Variants in PDE3A observed in about 807,000 individuals in gnomAD.
PDE3A encodes the protein phosphodiesterase 3A, also known as cGMP-inhibited 3',5'-cyclic phosphodiesterase 3A.
PDE3A carries 43 observed loss-of-function variants against 98.3 expected under a neutral mutation model. The observed-to-expected ratio is 0.44, with a 90% confidence interval of 0.34 to 0.56. The LOEUF is 0.56. Ranked by LOEUF, PDE3A falls within the 20% of genes least tolerant of loss-of-function variation. PDE3A has a pLI of 0.01. For missense variants in PDE3A, 1,427 were observed against 1,440.7 expected, an observed-to-expected ratio of 0.99 and a Z score of 0.15; for synonymous variants, 663 against 567.9, an observed-to-expected ratio of 1.17 and a Z score of -2.38.
chr12:20,641,303 G>A (rs1944643540), intron 10 of PDE3A, among the ~76,000 whole-genome samples: 4 of 151,970 alleles, frequency 2.6e-5, no homozygotes, highest in Admixed American at 2.0e-4. Context: ...ACATCTGGCT[G>A]ACAAATCCAT....
chr12:20,475,373 A>T (rs7484589), intron 1 of PDE3A, among the ~76,000 whole-genome samples: 9,280 of 152,152 alleles, frequency 0.061, 932 homozygotes, highest in African/African-American at 0.21. Flanking sequence ...AAAGCGTTTT[A>T]AAAACAAAAA....
At chr12:20,546,951 A>G (rs187146360) in intron 1 of PDE3A, among the ~76,000 whole-genome samples, 2 of 152,212 alleles carry the variant, frequency 1.3e-5, no homozygotes, top group East Asian at 3.9e-4. Context: ...ATTTTATACT[A>G]AAGGAAAATA....
At chr12:20,440,528 C>A (rs567324458) in intron 1 of PDE3A, among the ~76,000 whole-genome samples, 1 of 152,202 alleles carries the variant, frequency 6.6e-6, no homozygotes, top group African/African-American at 2.4e-5. Flanking sequence ...GGGCCAAGTG[C>A]AATTCTATTC....
intron 1 of PDE3A, among the ~76,000 whole-genome samples, chr12:20,513,668 A>T (rs573638196): frequency 6.6e-6 from 1 of 152,118 alleles, no homozygotes; most frequent in African/African-American, 2.4e-5. Context: ...TGACCTTTTC[A>T]TCAGTGTCCT....
intron 2 of PDE3A, among the ~76,000 whole-genome samples, chr12:20,603,333 A>G (rs1943637508): frequency 6.6e-6 from 1 of 152,192 alleles, no homozygotes; most frequent in South Asian, 2.1e-4. Flanking sequence ...TGGAGCTATG[A>G]TGCCTGCTTT....
intron 1 of PDE3A, among the ~76,000 whole-genome samples, chr12:20,519,577 ATTAAT>A (rs1207816448): frequency 1.3e-5 from 2 of 152,220 alleles, no homozygotes; most frequent in African/African-American, 4.8e-5. Context: ...TGTGGAAAGT[ATTAAT>A]TTAAGTATTT....
In PDE3A at chr12:20,425,317, A is replaced by G. The variant is rs140232742; in HGVS notation, c.960+55073A>G. Among the ~76,000 whole-genome samples the G allele has an allele frequency of 5.1e-3, 774 of 152,216 alleles. 4 individuals carry two copies. The highest frequency in any genetic ancestry group is 0.014 in the Middle Eastern group (4 of 294). ...ACTGAGCGATTTTATTTTTTTCATCATATAATATTTCTGATGGTCTTGCCT... is the reference window on the plus strand; with the variant it reads ...ACTGAGCGATTTTATTTTTTTCATCGTATAATATTTCTGATGGTCTTGCCT... On this transcript the variant is annotated intron_variant, in intron 1 of 15. Coordinates refer to ENST00000359062, the MANE Select transcript of PDE3A (RefSeq NM_000921.5).
chr12:20,460,958 G>C (rs966698558), intron 1 of PDE3A, among the ~76,000 whole-genome samples: 4 of 152,156 alleles, frequency 2.6e-5, no homozygotes, highest in African/African-American at 9.6e-5. Context: ...CTTTTTACCT[G>C]AGTAATGCAT....
At chr12:20,408,152 C>A (rs1944268442) in intron 1 of PDE3A, among the ~76,000 whole-genome samples, 1 of 152,120 alleles carries the variant, frequency 6.6e-6, no homozygotes, top group African/African-American at 2.4e-5. Flanking sequence ...AACTCCTGAC[C>A]TTGTGATCCA....
intron 1 of PDE3A, among the ~76,000 whole-genome samples, chr12:20,462,906 C>T (rs1015929914): frequency 4.6e-5 from 7 of 151,950 alleles, no homozygotes; most frequent in Non-Finnish European, 7.4e-5. Context: ...CCTCCTACTT[C>T]GGCCTCCTGA....
At chr12:20,544,078 G>T (rs1941992064) in intron 1 of PDE3A, among the ~76,000 whole-genome samples, 1 of 151,462 alleles carries the variant, frequency 6.6e-6, no homozygotes, top group African/African-American at 2.4e-5. Context: ...TATTCAGAAG[G>T]TACTTCAAGA....
intron 1 of PDE3A, among the ~76,000 whole-genome samples, chr12:20,372,682 A>G (rs1943498252): frequency 6.6e-6 from 1 of 152,124 alleles, no homozygotes; most frequent in Non-Finnish European, 1.5e-5. Context: ...TCAAACATCA[A>G]AATAATTATA....
chr12:20,654,554 T>G (rs566141611), intron 15 of PDE3A, among the ~76,000 whole-genome samples: 1 of 151,548 alleles, frequency 6.6e-6, no homozygotes, highest in Non-Finnish European at 1.5e-5. Context: ...TGGCGTGCAG[T>G]GGCACGATCT....
At chr12:20,498,606 A>G (rs1242217889) in intron 1 of PDE3A, among the ~76,000 whole-genome samples, 2 of 151,344 alleles carry the variant, frequency 1.3e-5, no homozygotes, top group Non-Finnish European at 2.9e-5. Flanking sequence ...TGGTGTCTAC[A>G]GGGTCCTGGA....
intron 1 of PDE3A, among the ~76,000 whole-genome samples, chr12:20,428,311 G>A (rs976948625): frequency 6.6e-6 from 1 of 152,050 alleles, no homozygotes; most frequent in Non-Finnish European, 1.5e-5. Context: ...ACGGAGTCTC[G>A]CTCTGTCGCC....
chr12:20,459,092 A>T (rs10732225), intron 1 of PDE3A, among the ~76,000 whole-genome samples: 149,892 of 152,304 alleles, frequency 0.98, 73,808 homozygotes, highest in East Asian at 1. Context: ...CCTTCCCAGT[A>T]TAGTGTTTCT....
At chr12:20,608,360 T>C (rs1943765565) in intron 2 of PDE3A, among the ~76,000 whole-genome samples, 1 of 142,876 alleles carries the variant, frequency 7.0e-6, no homozygotes, top group African/African-American at 2.6e-5. Flanking sequence ...AGTGAGGACC[T>C]GACTTAATGA....
intron 15 of PDE3A, among the ~76,000 whole-genome samples, chr12:20,669,945 C>A (rs4477482): frequency 0.27 from 41,392 of 151,830 alleles, 7,206 homozygotes; most frequent in East Asian, 0.59. Context: ...GTGCTGTATT[C>A]AGGAAACCCA....
In PDE3A at chr12:20,680,496, T is replaced by A. The variant is rs562377925; in HGVS notation, c.*225T>A. On this transcript the variant is annotated 3_prime_UTR_variant, in exon 16 of 16. Coordinates refer to ENST00000359062, the MANE Select transcript of PDE3A (RefSeq NM_000921.5). ...CATTGCAACACCAGCTTCTAAGGAT[T>A]TTTTAAGGAGGGAATATATATGTGT... 7.4e-4 allele frequency: 388 copies of A among 520,930 alleles called. 1 individual carries two copies. Among genetic ancestry groups the A allele is most frequent in the African/African-American group, 6.0e-3 (316 of 52,462 alleles). 32.3% of individuals were successfully genotyped at this position (520,930 alleles called of 1,614,324 possible).
Sources: gnomAD v4.1 joint callset for allele counts (sites outside exome capture counted in the v4.1 genomes callset) on GRCh38, gnomAD v4.1.1 for gene constraint, MANE v1.5 for transcripts, NCBI Gene and HGNC (gene_info 2026-07-23, HGNC 2026-07-21) for gene names.